Variants in SHB observed in about 807,000 individuals in gnomAD.
The protein encoded by SHB is SH2 domain containing adaptor protein B, also known as SH2 domain-containing adapter protein B.
Under a neutral mutation model 52.3 loss-of-function variants are expected in SHB, and 20 were observed. The ratio of observed to expected loss-of-function variants is 0.38; its 90% CI spans 0.27 to 0.56. The LOEUF (loss-of-function observed/expected upper bound fraction) is 0.56. SHB is among the 20% of genes least tolerant of loss of function. The pLI is 0.71. For missense variants in SHB, 825 were observed against 723.3 expected (o/e 1.14, Z -1.61); for synonymous variants, 397 against 316.5 (o/e 1.25, Z -2.70).
intron 5 of SHB, 61 bp from the exon 6 acceptor site, chr9:37,920,065 G>T: frequency 7.4e-7 from 1 of 1,348,028 alleles, no homozygotes; most frequent in Non-Finnish European, 1.1e-6. Context: ...GAGGCCAAGG[G>T]TCTCCTCAGC....
chr9:38,026,768 CT>C (rs1313461775), intron 1 of SHB, among the ~76,000 whole-genome samples: 3 of 152,238 alleles, frequency 2.0e-5, no homozygotes, highest in Non-Finnish European at 4.4e-5. Flanking sequence ...TCGGCGCTTT[CT>C]AATGTACAGG....
intron 5 of SHB, among the ~76,000 whole-genome samples, chr9:37,940,470 A>G (rs556736896): frequency 6.6e-6 from 1 of 152,230 alleles, no homozygotes; most frequent in Admixed American, 6.5e-5. Context: ...TTTCTTTTAA[A>G]CCTTTTAGAA....
intron 1 of SHB, among the ~76,000 whole-genome samples, chr9:38,025,839 G>A (rs565998214): frequency 1.3e-5 from 2 of 152,290 alleles, no homozygotes; most frequent in East Asian, 1.9e-4. Context: ...CCATGTTGAT[G>A]AGGAGCCACC....
At position 37,995,738 on chromosome 9, in the gene SHB, C is replaced by T. The variant is rs551431682; in HGVS notation, c.838+20273G>A. Reference sequence around the variant, plus strand: ...GTGCTCGACAAACTTATCCAGAAAGCCCCCAACACCTGCAGGGGCCTCATT... The same window carrying T: ...GTGCTCGACAAACTTATCCAGAAAGTCCCCAACACCTGCAGGGGCCTCATT... On this transcript the variant is annotated intron_variant, in intron 2 of 5. Transcript: ENST00000377707. Among the ~76,000 whole-genome samples, 9 of 152,278 alleles carry T rather than the reference C, an allele frequency of 5.9e-5. No individual in the cohort carries two copies. The South Asian group carries it at 1.9e-3, about 32-fold the overall frequency.
intron 1 of SHB, among the ~76,000 whole-genome samples, chr9:38,066,948 A>C (rs1293627805): frequency 6.6e-6 from 1 of 152,010 alleles, no homozygotes; most frequent in Non-Finnish European, 1.5e-5. Context: ...AGAAGGAAGG[A>C]GCTCTCCCAC....
intron 2 of SHB, among the ~76,000 whole-genome samples, chr9:38,008,144 A>G (rs929065393): frequency 6.6e-6 from 1 of 152,198 alleles, no homozygotes; most frequent in African/African-American, 2.4e-5. Flanking sequence ...GGTGCTATCA[A>G]TGACTGTCTG....
chr9:38,003,918 T>C (rs1028793464), intron 2 of SHB, among the ~76,000 whole-genome samples: 3 of 152,212 alleles, frequency 2.0e-5, no homozygotes, highest in Admixed American at 2.0e-4. Context: ...GGTGAGGCTG[T>C]TGCTGGGGGC....
intron 5 of SHB, among the ~76,000 whole-genome samples, chr9:37,933,880 C>T (rs1401180022): frequency 1.3e-5 from 2 of 152,362 alleles, no homozygotes; most frequent in Non-Finnish European, 2.9e-5. Flanking sequence ...CTCCTGCAGG[C>T]CAAGGCCACT....
intron 5 of SHB, among the ~76,000 whole-genome samples, chr9:37,944,904 C>T (rs1832474917): frequency 6.7e-6 from 1 of 148,288 alleles, no homozygotes. Flanking sequence ...TCTGGGCTCC[C>T]AAGACCCCCC....
In SHB at chr9:37,932,273, C is replaced by CAAA. The variant is rs56281324; in HGVS notation, c.1347-12272_1347-12270dup. The stretch of plus-strand genomic sequence containing the variant: ...AGGTAACAAGAGCGAAACTCCATCT[C>CAAA]AAAAAAAAAAAAAAAAAAAAAGAAA... On this transcript the variant is annotated intron_variant, in intron 5 of 5. Transcript: ENST00000377707. Among the ~76,000 whole-genome samples the CAAA allele has an allele frequency of 8.2e-3, 465 of 56,682 alleles. 3 individuals carry two copies. The highest frequency in any genetic ancestry group is 0.031 in the African/African-American group (439 of 14,032). The allele number at this position is 56,682 out of a possible 152,430, so 37.2% of individuals were successfully genotyped here.
intron 1 of SHB, among the ~76,000 whole-genome samples, chr9:38,032,650 T>C (rs1821429684): frequency 6.6e-6 from 1 of 152,198 alleles, no homozygotes; most frequent in Admixed American, 6.5e-5. Flanking sequence ...GCCTGCAGCC[T>C]TTGAAGCCTG....
At chr9:38,066,055 T>C (rs1027557166) in intron 1 of SHB, among the ~76,000 whole-genome samples, 3 of 152,178 alleles carry the variant, frequency 2.0e-5, no homozygotes, top group Admixed American at 6.5e-5. Context: ...GCCTCTGTCA[T>C]AGCATTCGCT....
Sources: allele counts gnomAD v4.1 joint callset (sites outside exome capture counted in the v4.1 genomes callset), GRCh38; gene constraint gnomAD v4.1.1; transcripts MANE v1.5; gene names NCBI Gene and HGNC (gene_info 2026-07-23, HGNC 2026-07-21).